ME3: variants seen among roughly 807,000 people sequenced by gnomAD.
The protein encoded by ME3 is malic enzyme 3, also known as NADP-dependent malic enzyme, mitochondrial.
ME3 carries 48 observed loss-of-function variants against 68.9 expected under a neutral mutation model. The observed-to-expected ratio is 0.70, with a 90% confidence interval of 0.55 to 0.89. ME3 has a LOEUF of 0.89. Among genes scored for constraint, ME3 ranks in the 40% least tolerant of loss-of-function variants. The pLI, the probability that ME3 is intolerant of heterozygous loss-of-function variation, is 0.00. For missense variants in ME3, 675 were observed against 797.4 expected (o/e 0.85, Z 1.85); for synonymous variants, 320 against 318.8 (o/e 1.00, Z -0.04).
chr11:86,472,690 TCTCTTGC>T (rs1317475664), intron 7 of ME3, among the ~76,000 whole-genome samples: 57 of 152,272 alleles, frequency 3.7e-4, no homozygotes, highest in African/African-American at 1.3e-3. Flanking sequence ...TAATAATACC[TCTCTTGC>T]AGTCCTGTTG....
rs545317113 is a variant in ME3 at position 86,661,116 on chromosome 11, C to T, written c.183+10646G>A. Among the ~76,000 whole-genome samples the T allele has an allele frequency of 4.9e-4, 75 of 152,308 alleles. 1 individual carries two copies. Among genetic ancestry groups the T allele is most frequent in the African/African-American group, 1.8e-3 (73 of 41,560 alleles). ...CATTGCATGCTGGCTATGAGATGCC[C>T]ACGACAGTCTCCTGGATCTGAAGAA... On this transcript the variant is annotated intron_variant, in intron 2 of 14. Coordinates refer to ENST00000543262, the Ensembl canonical transcript of ME3.
chr11:86,568,342 A>G (rs190587226), intron 2 of ME3, among the ~76,000 whole-genome samples: 13 of 152,228 alleles, frequency 8.5e-5, no homozygotes, highest in South Asian at 6.2e-4. Context: ...CTAACAACCA[A>G]TGGGTTAATG....
chr11:86,496,901 G>C (rs1952371559), intron 6 of ME3, among the ~76,000 whole-genome samples: 1 of 151,362 alleles, frequency 6.6e-6, no homozygotes, highest in Non-Finnish European at 1.5e-5. Flanking sequence ...AAAAGGCTGG[G>C]GAAATATACC....
intron 7 of ME3, among the ~76,000 whole-genome samples, chr11:86,479,839 G>A (rs1594118572): frequency 6.8e-6 from 1 of 147,516 alleles, no homozygotes; most frequent in South Asian, 2.1e-4. Context: ...TTTTGAGATG[G>A]AATCTCACTC....
chr11:86,625,027 T>G (rs973591861), intron 2 of ME3, among the ~76,000 whole-genome samples: 7 of 152,222 alleles, frequency 4.6e-5, no homozygotes, highest in Non-Finnish European at 1.5e-5. Context: ...AGTAACAGAA[T>G]ACCATTTAGT....
downstream of ME3, among the ~76,000 whole-genome samples, chr11:86,437,870 T>A (rs1047852398): frequency 1.3e-5 from 2 of 151,894 alleles, no homozygotes; most frequent in Admixed American, 1.3e-4. Flanking sequence ...AATGAATGAA[T>A]GAATGAATGT....
At chr11:86,531,782 C>T (rs932394160) in intron 4 of ME3, among the ~76,000 whole-genome samples, 9 of 133,444 alleles carry the variant, frequency 6.7e-5, no homozygotes, top group African/African-American at 2.0e-4. Context: ...ACAATGAGAA[C>T]ACATGGACAC....
intron 7 of ME3, among the ~76,000 whole-genome samples, chr11:86,480,369 C>G (rs1025632787): frequency 2.0e-5 from 3 of 152,206 alleles, no homozygotes; most frequent in Admixed American, 6.5e-5. Flanking sequence ...TAAGTATACC[C>G]TTTCCAGTTT....
chr11:86,602,006 G>A (rs567035857), intron 2 of ME3, among the ~76,000 whole-genome samples: 143 of 147,660 alleles, frequency 9.7e-4, no homozygotes, highest in African/African-American at 3.4e-3. Context: ...CATACTGAAT[G>A]GGCAAAAACT....
chr11:86,653,009 T>C (rs191985217), intron 2 of ME3, among the ~76,000 whole-genome samples: 5,939 of 151,618 alleles, frequency 0.039, 148 homozygotes, highest in Non-Finnish European at 0.059. Flanking sequence ...GGCCATTACA[T>C]AATGGTAAAG....
At chr11:86,492,488 C>G (rs372164418) in intron 6 of ME3, among the ~76,000 whole-genome samples, 2 of 152,174 alleles carry the variant, frequency 1.3e-5, no homozygotes, top group Admixed American at 1.3e-4. Flanking sequence ...AGGACTCTTC[C>G]CAGGGTGGGG....
At chr11:86,577,291 C>T (rs1489022644) in intron 2 of ME3, among the ~76,000 whole-genome samples, 1 of 152,124 alleles carries the variant, frequency 6.6e-6, no homozygotes, top group Non-Finnish European at 1.5e-5. Flanking sequence ...GAGTCACATG[C>T]ACACACCTCC....
intron 2 of ME3, among the ~76,000 whole-genome samples, chr11:86,664,825 G>A (rs535403848): frequency 1.8e-4 from 27 of 152,318 alleles, no homozygotes; most frequent in African/African-American, 6.3e-4. Flanking sequence ...CACCACCTGT[G>A]TCTTCTGAAT....
At chr11:86,453,741 C>T (rs888183544) in intron 8 of ME3, among the ~76,000 whole-genome samples, 1 of 152,116 alleles carries the variant, frequency 6.6e-6, no homozygotes, top group Non-Finnish European at 1.5e-5. Context: ...TCTGGCAGCC[C>T]CACAGCCTTA....
In ME3 at chr11:86,468,153, C is replaced by G. The variant is rs959105218; in HGVS notation, c.810-2953G>C. Among the ~76,000 whole-genome samples the G allele has an allele frequency of 8.5e-5, 13 of 152,214 alleles. 1 individual carries two copies. Among genetic ancestry groups the G allele is most frequent in the African/African-American group, 3.1e-4 (13 of 41,454 alleles). On this transcript the variant is annotated intron_variant, in intron 7 of 14. Transcript: ENST00000543262. Reference sequence around the variant, plus strand: ...CACTTCCACTGCACCTGCTGTTTGTCTGCACCAAGACCTCTGAGCCCTTCA... The same window carrying G: ...CACTTCCACTGCACCTGCTGTTTGTGTGCACCAAGACCTCTGAGCCCTTCA...
At chr11:86,485,105 C>T (rs957826943) in intron 7 of ME3, among the ~76,000 whole-genome samples, 24 of 152,130 alleles carry the variant, frequency 1.6e-4, no homozygotes, top group Non-Finnish European at 1.5e-4. Context: ...GTGAGACAGC[C>T]CTGATTTATT....
At chr11:86,549,864 G>T (rs1473437756) in intron 4 of ME3, among the ~76,000 whole-genome samples, 16 of 152,190 alleles carry the variant, frequency 1.1e-4, no homozygotes, top group Admixed American at 3.3e-4. Flanking sequence ...GAACAATTTG[G>T]CTTGCTGAAG....
chr11:86,537,385 G>T (rs1056331973), intron 4 of ME3, among the ~76,000 whole-genome samples: 5 of 151,920 alleles, frequency 3.3e-5, no homozygotes, highest in Non-Finnish European at 5.9e-5. Flanking sequence ...GATTCAAATA[G>T]TGGAGGGAAT....
chr11:86,535,117 C>G (rs988122458), intron 4 of ME3, among the ~76,000 whole-genome samples: 3 of 152,190 alleles, frequency 2.0e-5, no homozygotes, highest in Non-Finnish European at 2.9e-5. Flanking sequence ...TTTTAGCCAG[C>G]ATTTTACCTG....
Sources: allele counts gnomAD v4.1 joint callset (sites outside exome capture counted in the v4.1 genomes callset), GRCh38; gene constraint gnomAD v4.1.1; transcripts MANE v1.5; gene names NCBI Gene and HGNC (gene_info 2026-07-23, HGNC 2026-07-21).